PARD6G: variants seen among roughly 807,000 people sequenced by gnomAD.
PARD6G encodes par-6 family cell polarity regulator gamma.
In PARD6G, 7 loss-of-function variants were observed where a neutral mutation model predicts 10.7. The observed-to-expected ratio is 0.66, with a 90% CI of 0.37 to 1.23. PARD6G has a LOEUF of 1.23. PARD6G is among the 50% of genes most tolerant of loss of function. PARD6G has a pLI of 0.02. For synonymous variants in PARD6G, 287 were observed against 269.4 expected, an observed-to-expected ratio of 1.07 and a Z score of -0.64; for missense variants, 548 against 571.8, an observed-to-expected ratio of 0.96 and a Z score of 0.42.
intron 2 of PARD6G, among the ~76,000 whole-genome samples, chr18:80,185,951 CGCAT>C (rs576772175): frequency 1.1e-3 from 146 of 135,462 alleles, no homozygotes; most frequent in African/African-American, 3.9e-3. Context: ...CCCTCACGCA[CGCAT>C]GCACCCACAC....
chr18:80,196,498 T>G (rs1966957213), intron 2 of PARD6G, among the ~76,000 whole-genome samples: 2 of 152,220 alleles, frequency 1.3e-5, no homozygotes, highest in South Asian at 4.1e-4. Flanking sequence ...AAATACATTA[T>G]GGGTTTAAAT....
chr18:80,242,067 C>T (rs1347420373), intron 1 of PARD6G, among the ~76,000 whole-genome samples: 2 of 152,236 alleles, frequency 1.3e-5, no homozygotes, highest in Admixed American at 6.5e-5. Context: ...AGCTGGGGTG[C>T]CCACCTGGAA....
chr18:80,245,789 A>G (rs1352406884), intron 1 of PARD6G, among the ~76,000 whole-genome samples: 3 of 151,920 alleles, frequency 2.0e-5, no homozygotes, highest in African/African-American at 7.3e-5. Context: ...CACCTAACCC[A>G]CAGCTGGCAC....
chr18:80,209,100 G>A (rs564212491), intron 1 of PARD6G, among the ~76,000 whole-genome samples: 76 of 148,306 alleles, frequency 5.1e-4, no homozygotes, highest in Admixed American at 6.8e-5. Flanking sequence ...ACTCCATCTC[G>A]AAAAAAGAAA....
At chr18:80,165,943 G>A (rs530826462) in intron 2 of PARD6G, among the ~76,000 whole-genome samples, 95 of 152,202 alleles carry the variant, frequency 6.2e-4, no homozygotes, top group Admixed American at 4.6e-3. Context: ...TTAGCTGGGC[G>A]TTGTGGCATC....
chr18:80,164,133 C>G (rs753589940), intron 2 of PARD6G, among the ~76,000 whole-genome samples: 20 of 152,196 alleles, frequency 1.3e-4, no homozygotes, highest in Non-Finnish European at 2.9e-4. Context: ...CTGCTGCACC[C>G]CACACACAGA....
intron 1 of PARD6G, among the ~76,000 whole-genome samples, chr18:80,220,603 T>C (rs1967218123): frequency 6.6e-6 from 1 of 152,048 alleles, no homozygotes; most frequent in Admixed American, 6.6e-5. Flanking sequence ...TCTGCAATCT[T>C]TGTTTTTTTT....
chr18:80,193,671 A>C (rs1966923434), intron 2 of PARD6G, among the ~76,000 whole-genome samples: 1 of 152,236 alleles, frequency 6.6e-6, no homozygotes, highest in South Asian at 2.1e-4. Context: ...CAGTATAAAA[A>C]GTAAGTCATT....
intron 2 of PARD6G, among the ~76,000 whole-genome samples, chr18:80,176,737 A>C (rs1162704108): frequency 1.3e-5 from 2 of 152,304 alleles, no homozygotes; most frequent in African/African-American, 4.8e-5. Context: ...AGCTCCCGAC[A>C]GGGCAAACAG....
In PARD6G at chr18:80,160,075, A is replaced by G. The variant is rs1442854145; in HGVS notation, c.827T>C (p.Phe276Ser). Residue 276 changes from phenylalanine to serine, a missense_variant, in exon 3 of 3, where the codon TTC becomes TCC. By Grantham distance (155) the Phe-to-Ser change is radical. Around this residue, in one of 2 missense-constraint regions of PARD6G, gnomAD observed 313 missense variants for 279.9 expected, o/e 1.12. Transcript: ENST00000353265. ...SGPPSDGTAG[F>S]VGPPAPRVLQ... ...GACGCGCGGGGCGGGGGGACCCACG[A>G]AGCCCGCGGTGCCGTCCGAGGGCGG... 1.9e-6 allele frequency: 3 copies of G among 1,576,350 alleles called. No homozygotes were observed. Among genetic ancestry groups the G allele is most frequent in the Non-Finnish European group, 2.6e-6 (3 of 1,163,598 alleles).
chr18:80,240,601 T>A (rs1201536168), intron 1 of PARD6G, among the ~76,000 whole-genome samples: 1 of 152,098 alleles, frequency 6.6e-6, no homozygotes, highest in African/African-American at 2.4e-5. Context: ...TAAGGACAAG[T>A]GGGGACTGGA....
At chr18:80,171,918 G>A (rs182663927) in intron 2 of PARD6G, among the ~76,000 whole-genome samples, 12 of 152,314 alleles carry the variant, frequency 7.9e-5, no homozygotes, top group Admixed American at 3.9e-4. Context: ...CATCTGATAC[G>A]TGTTATATCA....
At chr18:80,209,715 G>C (rs1967088182) in intron 1 of PARD6G, among the ~76,000 whole-genome samples, 1 of 152,178 alleles carries the variant, frequency 6.6e-6, no homozygotes, top group South Asian at 2.1e-4. Context: ...GGCAGGCAGA[G>C]GCAGGAGGAT....
At chr18:80,196,826 G>A (rs970462727) in intron 2 of PARD6G, among the ~76,000 whole-genome samples, 1 of 146,972 alleles carries the variant, frequency 6.8e-6, no homozygotes, top group African/African-American at 2.5e-5. Flanking sequence ...TAGCGTGAAC[G>A]CGGCTGCAGG....
rs114929658 is a variant in PARD6G at position 80,200,959 on chromosome 18, C to A, written c.295+1751G>T. 3.7e-3 allele frequency among the ~76,000 whole-genome samples: 568 copies of A among 152,310 alleles called. 1 individual carries two copies. The highest frequency in any genetic ancestry group is 0.013 in the African/African-American group (535 of 41,568). The stretch of plus-strand genomic sequence containing the variant: ...GGGACAAAAAGACTTGTTTCCTGCA[C>A]GATGGGCAACAAAGCCTGTGCGCAC... On this transcript the variant is annotated intron_variant, in intron 2 of 2. Coordinates refer to ENST00000353265, the MANE Select transcript of PARD6G (RefSeq NM_032510.4). The surrounding 1 kb of genome is among the most constrained non-coding windows in gnomAD (Gnocchi z 4.4).
chr18:80,232,373 C>T lies in PARD6G; in HGVS notation c.72+14904G>A, dbSNP rs1967367690. Among the ~76,000 whole-genome samples the T allele has an allele frequency of 2.0e-5, 3 of 152,014 alleles. No individual in the cohort carries two copies. In the South Asian group the frequency reaches 6.2e-4, roughly 32 times the overall value. On this transcript the variant is annotated intron_variant, in intron 1 of 2. Coordinates refer to ENST00000353265, the MANE Select transcript of PARD6G (RefSeq NM_032510.4). ...CCTTGCATGTATTAGTCCGTTTTCA[C>T]GCTGCTGATAAAGACATACCCGAGA...
rs1335814543 is a variant in PARD6G at position 80,211,393 on chromosome 18, A to G, written c.73-8461T>C. On this transcript the variant is annotated intron_variant, in intron 1 of 2. Transcript: ENST00000353265. ...ACGCATACCCATTAGGATGGCTACT[A>G]TCGAAAAAGCAAAATAGTAAGTGTT... is the stretch of plus-strand genomic sequence containing the variant. Among the ~76,000 whole-genome samples the G allele has an allele frequency of 2.6e-5, 4 of 152,206 alleles. No homozygotes were observed. In the East Asian group the frequency reaches 7.7e-4, roughly 29 times the overall value.
intron 1 of PARD6G, among the ~76,000 whole-genome samples, chr18:80,245,452 ACAC>A (rs1351235444): frequency 6.6e-6 from 1 of 152,152 alleles, no homozygotes; most frequent in Non-Finnish European, 1.5e-5. Flanking sequence ...GTTGGTGGTC[ACAC>A]CACCGCACAG....
Position 80,201,905 on chromosome 18 carries a change from T to C in PARD6G, c.295+805A>G, listed in dbSNP as rs1196963885. ...TTTCCTCCGGGAAACCTCTCCTAGC[T>C]GTCCCAGAGACTCTGGCAGCAGATC... On this transcript the variant is annotated intron_variant, in intron 2 of 2. Coordinates refer to ENST00000353265, the MANE Select transcript of PARD6G (RefSeq NM_032510.4). This position sits in a 1 kb window ranked among gnomAD's most constrained non-coding sequence, Gnocchi z 5.9. The C allele has an allele frequency of 6.6e-6, 1 of 152,244 alleles. No individual in the cohort carries two copies. The highest frequency in any genetic ancestry group is 1.5e-5 in the Non-Finnish European group (1 of 68,078). 9.4% of individuals were successfully genotyped at this position (152,244 alleles called of 1,614,324 possible). A position where few individuals can be genotyped will look rare whatever the true frequency, so the allele number is the denominator to read the frequency against.
Sources: allele counts gnomAD v4.1 joint callset (sites outside exome capture counted in the v4.1 genomes callset), GRCh38; gene constraint gnomAD v4.1.1; regional missense constraint gnomAD v4.1.1; non-coding constraint Gnocchi (gnomAD v3.1); transcripts MANE v1.5; gene names NCBI Gene and HGNC (gene_info 2026-07-23, HGNC 2026-07-21).